ARIH2: variants seen among roughly 807,000 people sequenced by gnomAD.
ARIH2 encodes ariadne RBR E3 ubiquitin protein ligase 2.
ARIH2 carries 12 observed loss-of-function variants against 79.8 expected under a neutral mutation model. That is an observed-to-expected ratio of 0.15 (90% CI 0.10 to 0.24). The LOEUF (loss-of-function observed/expected upper bound fraction) is 0.24. ARIH2 is among the 10% of genes least tolerant of loss of function. ARIH2 has a pLI of 1.00. For synonymous variants in ARIH2, 224 were observed against 213.9 expected, an observed-to-expected ratio of 1.05 and a Z score of -0.41; for missense variants, 301 against 618.3, an observed-to-expected ratio of 0.49 and a Z score of 5.44.
intron 3 of ARIH2, among the ~76,000 whole-genome samples, chr3:48,948,762 T>TAAA (rs1257413187): frequency 6.6e-6 from 1 of 152,252 alleles, no homozygotes; most frequent in Non-Finnish European, 1.5e-5. Context: ...TCAGTAGTTT[T>TAAA]GCCTTTTCTA....
intron 3 of ARIH2, among the ~76,000 whole-genome samples, chr3:48,959,127 T>C (rs572486018): frequency 6.6e-6 from 1 of 151,620 alleles, no homozygotes; most frequent in East Asian, 2.0e-4. Context: ...CCATCCTGGC[T>C]AACACGGTGA....
At chr3:48,981,757 C>G (rs1247541586) in intron 14 of ARIH2, 29 bp downstream of exon 14, 1 of 1,583,476 alleles carries the variant, frequency 6.3e-7, no homozygotes, top group Admixed American at 1.7e-5. Flanking sequence ...TCTACTCTGT[C>G]CCGTTAGCCT....
chr3:48,953,444 C>T (rs1472606780), intron 3 of ARIH2, among the ~76,000 whole-genome samples: 1 of 152,086 alleles, frequency 6.6e-6, no homozygotes, highest in East Asian at 1.9e-4. Flanking sequence ...CGCTCTGTCT[C>T]CCAGGCTGGA....
In ARIH2 at chr3:48,956,905, C is replaced by T. The variant is rs137991082; in HGVS notation, c.256-4707C>T. Among the ~76,000 whole-genome samples the T allele has an allele frequency of 9.8e-3, 1,491 of 152,026 alleles. 28 individuals carry two copies. Among genetic ancestry groups the T allele is most frequent in the African/African-American group, 0.035 (1,433 of 41,466 alleles). On this transcript the variant is annotated intron_variant, in intron 3 of 15. Transcript: ENST00000356401. ...TATTTTTATTAGAGACGGGGTTTCA[C>T]CATGTTGGCCACAACTTAGCTGGTC...
At chr3:48,956,143 CTT>C (rs879476262) in intron 3 of ARIH2, among the ~76,000 whole-genome samples, 4 of 145,214 alleles carry the variant, frequency 2.8e-5, no homozygotes, top group Admixed American at 6.9e-5. Context: ...ATCTCCTTTA[CTT>C]TTTTTTTTTT....
At chr3:48,942,962 A>T (rs1429007259) in intron 3 of ARIH2, among the ~76,000 whole-genome samples, 1 of 151,464 alleles carries the variant, frequency 6.6e-6, no homozygotes, top group Admixed American at 6.6e-5. Context: ...TAATTTTTGT[A>T]TTTATGGGGT....
At chr3:48,962,920 G>A (rs1385095727) in intron 4 of ARIH2, among the ~76,000 whole-genome samples, 3 of 152,156 alleles carry the variant, frequency 2.0e-5, no homozygotes, top group African/African-American at 7.2e-5. Context: ...CCAGGCTGGA[G>A]TGCAGTGGCA....
intron 1 of ARIH2, among the ~76,000 whole-genome samples, chr3:48,920,130 C>T (rs1302364885): frequency 6.6e-6 from 1 of 151,782 alleles, no homozygotes; most frequent in African/African-American, 2.4e-5. Context: ...CAGGCACGTA[C>T]CACCACACCT....
intron 3 of ARIH2, among the ~76,000 whole-genome samples, chr3:48,959,007 C>T (rs1293405118): frequency 6.6e-6 from 1 of 151,724 alleles, no homozygotes; most frequent in East Asian, 1.9e-4. Flanking sequence ...TAGTGAGATC[C>T]TGTCTCAAAA....
At chr3:48,940,806 A>ATAT (rs1462537614) in intron 3 of ARIH2, among the ~76,000 whole-genome samples, 30 of 87,204 alleles carry the variant, frequency 3.4e-4, no homozygotes, top group African/African-American at 9.1e-4. Flanking sequence ...AAAAAAAAAA[A>ATAT]AAATATATAT....
chr3:48,936,383 T>C (rs1175366850), intron 3 of ARIH2, among the ~76,000 whole-genome samples: 2 of 152,220 alleles, frequency 1.3e-5, no homozygotes, highest in African/African-American at 4.8e-5. Flanking sequence ...CTGTCAAACA[T>C]GAAGTTCCTT....
At chr3:48,977,584 A>G (rs1266567034) in intron 11 of ARIH2, among the ~76,000 whole-genome samples, 2 of 152,030 alleles carry the variant, frequency 1.3e-5, no homozygotes, top group South Asian at 4.1e-4. Flanking sequence ...CAGCCTCCCA[A>G]GTAGCTGAGA....
chr3:48,932,209 T>G (rs186663224), intron 3 of ARIH2, among the ~76,000 whole-genome samples: 1 of 152,038 alleles, frequency 6.6e-6, no homozygotes, highest in South Asian at 2.1e-4. Flanking sequence ...GTTAGTGTGG[T>G]GGGGAAGCTG....
chr3:48,949,262 C>T (rs1000646023), intron 3 of ARIH2, among the ~76,000 whole-genome samples: 5 of 152,212 alleles, frequency 3.3e-5, no homozygotes, highest in African/African-American at 7.2e-5. Flanking sequence ...GGACTACAGG[C>T]GCCCGCCGTG....
intron 2 of ARIH2, chr3:48,925,187 C>T (rs887893478): frequency 6.6e-6 from 1 of 151,240 alleles, no homozygotes; most frequent in South Asian, 2.1e-4. Context: ...GATCTCGGCT[C>T]ACTGCAAGCT....
intron 3 of ARIH2, among the ~76,000 whole-genome samples, chr3:48,958,757 A>G (rs916744814): frequency 4.6e-5 from 7 of 152,006 alleles, no homozygotes; most frequent in African/African-American, 1.4e-4. Context: ...CACACCTGTA[A>G]TCTCAGCACT....
chr3:48,980,696 TAA>T (rs1033276821), intron 13 of ARIH2, among the ~76,000 whole-genome samples, 200 bp downstream of exon 13: 4 of 152,024 alleles, frequency 2.6e-5, no homozygotes, highest in East Asian at 1.9e-4. Flanking sequence ...AGGGGATTTA[TAA>T]GAGTGTTGCA....
intron 11 of ARIH2, among the ~76,000 whole-genome samples, chr3:48,978,463 G>T (rs868584904): frequency 1.3e-5 from 1 of 77,562 alleles, no homozygotes; most frequent in Non-Finnish European, 2.3e-5. Flanking sequence ...GTGTGTGTGT[G>T]TGTATATATA....
chr3:48,926,390 C>T (rs1424485972), intron 2 of ARIH2, among the ~76,000 whole-genome samples: 1 of 151,942 alleles, frequency 6.6e-6, no homozygotes, highest in Non-Finnish European at 1.5e-5. Context: ...GTCTTAGCCT[C>T]CCAAGTAGCT....
Sources: allele counts gnomAD v4.1 joint callset (sites outside exome capture counted in the v4.1 genomes callset), GRCh38; gene constraint gnomAD v4.1.1; transcripts MANE v1.5; gene names NCBI Gene and HGNC (gene_info 2026-07-23, HGNC 2026-07-21).